PRDM2: variants seen among roughly 807,000 people sequenced by gnomAD.
The protein encoded by PRDM2 is PR/SET domain 2, also known as PR domain zinc finger protein 2.
Under a neutral mutation model 130.0 loss-of-function variants are expected in PRDM2, and 30 were observed. The observed-to-expected ratio is 0.23, with a 90% confidence interval of 0.17 to 0.31. PRDM2 has a LOEUF of 0.31. PRDM2 is among the 10% of genes least tolerant of loss of function. The probability of loss-of-function intolerance (pLI) is 1.00; values close to 1 mark genes in which losing one functional copy is unlikely to be tolerated. For synonymous variants in PRDM2, 871 were observed against 782.4 expected, an observed-to-expected ratio of 1.11 and a Z score of -1.89; for missense variants, 2,011 against 2,108.4, an observed-to-expected ratio of 0.95 and a Z score of 0.90.
intron 8 of PRDM2, chr1:13,786,657 C>T: frequency 6.5e-7 from 1 of 1,543,812 alleles, no homozygotes; most frequent in Non-Finnish European, 8.7e-7. Flanking sequence ...ACTCAAAAAT[C>T]CTAACATTCA....
intron 8 of PRDM2, among the ~76,000 whole-genome samples, chr1:13,794,886 G>A (rs1042730363): frequency 4.6e-5 from 7 of 152,204 alleles, no homozygotes; most frequent in African/African-American, 1.4e-4. Flanking sequence ...GTAACTCCTG[G>A]TTTGGCTACC....
chr1:13,814,149 T>A (rs1005116435), intron 8 of PRDM2, among the ~76,000 whole-genome samples: 2 of 152,198 alleles, frequency 1.3e-5, no homozygotes, highest in Admixed American at 6.5e-5. Flanking sequence ...GCCTCCCAGC[T>A]GGCTGTCTCC....
chr1:13,741,984 T>A (rs1557612188), intron 4 of PRDM2, 21 bp from the exon 5 acceptor site: 2 of 1,509,928 alleles, frequency 1.3e-6, no homozygotes, highest in Non-Finnish European at 1.8e-6. Flanking sequence ...CAAAAGTTTT[T>A]TACTTTTCTC....
At chr1:13,750,673 C>T (rs1486461015) in intron 6 of PRDM2, among the ~76,000 whole-genome samples, 2 of 152,064 alleles carry the variant, frequency 1.3e-5, no homozygotes, top group African/African-American at 2.4e-5. Flanking sequence ...AGGCCTATTA[C>T]TGAATATGCA....
intron 8 of PRDM2, among the ~76,000 whole-genome samples, chr1:13,789,957 G>T (rs1644812127): frequency 6.6e-6 from 1 of 152,218 alleles, no homozygotes; most frequent in Non-Finnish European, 1.5e-5. Flanking sequence ...TGAAGGTTCT[G>T]GTGAAGCACT....
chr1:13,735,765 CTGTTA>C (rs1447646465), intron 4 of PRDM2, among the ~76,000 whole-genome samples: 1 of 152,158 alleles, frequency 6.6e-6, no homozygotes, highest in Non-Finnish European at 1.5e-5. Flanking sequence ...GTCACTGTTT[CTGTTA>C]TATGTTCTAA....
rs1225572972 is a variant in PRDM2 at position 13,779,157 on chromosome 1, C to G, written c.1362C>G (p.Asp454Glu). ...CGAGTCCTCCCAGTCTTGGGCCAGACTGTCTGATCATGAATTCAGAGAAGG... is the reference window on the plus strand; with the variant it reads ...CGAGTCCTCCCAGTCTTGGGCCAGAGTGTCTGATCATGAATTCAGAGAAGG... Reference protein sequence around the residue: ...DDSSPPSLGPDCLIMNSEKAS... With the variant: ...DDSSPPSLGPECLIMNSEKAS... Residue 454 changes from aspartate (D) to glutamate (E), a missense_variant, in exon 8 of 10, where the codon GAC (aspartate) becomes GAG (glutamate). Physicochemically the swap from Asp to Glu is conservative, Grantham distance 45 (BLOSUM62 2). Coordinates refer to ENST00000311066, the MANE Select transcript of PRDM2 (RefSeq NM_001393986.1). This position sits in a 1 kb window ranked among gnomAD's most constrained non-coding sequence, Gnocchi z 4.9. 6.8e-6 allele frequency: 11 copies of G among 1,614,092 alleles called. No homozygotes were observed. In the African/African-American group the frequency reaches 1.3e-4, roughly 20 times the overall value.
intron 8 of PRDM2, among the ~76,000 whole-genome samples, chr1:13,809,867 A>G (rs773036096): frequency 3.9e-5 from 6 of 152,100 alleles, no homozygotes; most frequent in Non-Finnish European, 8.8e-5. Context: ...TTTTTTTCAC[A>G]GTTCTGGAGA....
intron 1 of PRDM2, among the ~76,000 whole-genome samples, chr1:13,713,986 A>C (rs71629841): frequency 0.02 from 2,984 of 151,976 alleles, 56 homozygotes; most frequent in Non-Finnish European, 0.03. Flanking sequence ...CTCCTGCCTC[A>C]GCCTCCCGAG....
At position 13,778,865 on chromosome 1, in the gene PRDM2, C is replaced by T. The variant is rs531049100; in HGVS notation, c.1070C>T (p.Thr357Met). Residue 357 changes from threonine to methionine, a missense_variant, in exon 8 of 10, where the codon ACG becomes ATG. Coordinates refer to ENST00000311066, the MANE Select transcript of PRDM2 (RefSeq NM_001393986.1). ...KEEANGDVFE[T>M]FMFPCQHCER... ...GAGGCCAATGGTGATGTATTTGAAA[C>T]GTTTATGTTTCCGTGTCAACATTGT... The T allele has an allele frequency of 1.5e-5, 25 of 1,614,178 alleles. No individual in the cohort carries two copies. Among genetic ancestry groups the T allele is most frequent in the South Asian group, 7.7e-5 (7 of 91,078 alleles).
chr1:13,761,521 A>G (rs1438498503), intron 6 of PRDM2, among the ~76,000 whole-genome samples: 1 of 152,170 alleles, frequency 6.6e-6, no homozygotes, highest in Non-Finnish European at 1.5e-5. Flanking sequence ...GCAGTCGCAC[A>G]GGTACATTCC....
intron 8 of PRDM2, among the ~76,000 whole-genome samples, chr1:13,785,808 T>C (rs1644721940): frequency 6.6e-6 from 1 of 151,242 alleles, no homozygotes; most frequent in Non-Finnish European, 1.5e-5. Context: ...CTTTCACCTT[T>C]GTAAACCCCA....
chr1:13,713,657 G>C (rs1044800156), intron 1 of PRDM2, among the ~76,000 whole-genome samples: 3 of 152,244 alleles, frequency 2.0e-5, no homozygotes, highest in Non-Finnish European at 2.9e-5. Flanking sequence ...GTTCCTCAAA[G>C]AGAACTCCCC....
intron 2 of PRDM2, among the ~76,000 whole-genome samples, chr1:13,723,391 C>T (rs1183277722): frequency 1.3e-5 from 2 of 152,146 alleles, no homozygotes; most frequent in Non-Finnish European, 2.9e-5. Context: ...TAGCGCTGCT[C>T]CAGCACATGG....
intron 1 of PRDM2, among the ~76,000 whole-genome samples, chr1:13,707,251 C>G (rs1023040375): frequency 1.3e-5 from 2 of 152,176 alleles, no homozygotes; most frequent in Non-Finnish European, 2.9e-5. Context: ...GTGCCAGGAC[C>G]ACTACCCTGC....
intron 6 of PRDM2, among the ~76,000 whole-genome samples, chr1:13,762,931 T>C (rs1644136388): frequency 6.6e-6 from 1 of 152,136 alleles, no homozygotes; most frequent in Non-Finnish European, 1.5e-5. Flanking sequence ...GTGGGATCTG[T>C]TTGATCAGCA....
intron 6 of PRDM2, among the ~76,000 whole-genome samples, chr1:13,763,467 G>T (rs2100593729): frequency 6.6e-6 from 1 of 152,240 alleles, no homozygotes. Flanking sequence ...TGTCCATTGT[G>T]GGTTTGATGT....
At chr1:13,712,432 A>C (rs1642400130) in intron 1 of PRDM2, among the ~76,000 whole-genome samples, 1 of 152,248 alleles carries the variant, frequency 6.6e-6, no homozygotes, top group Non-Finnish European at 1.5e-5. Context: ...AGAAGGCAGC[A>C]TCTCAGAAAA....
chr1:13,716,303 G>T (rs1013749405), intron 2 of PRDM2, among the ~76,000 whole-genome samples: 15 of 146,838 alleles, frequency 1.0e-4, no homozygotes, highest in African/African-American at 3.8e-4. Flanking sequence ...ACTGTTGTGG[G>T]GTGGAGGGAG....
Sources: gnomAD v4.1 joint callset for allele counts (sites outside exome capture counted in the v4.1 genomes callset) on GRCh38, gnomAD v4.1.1 for gene constraint, Gnocchi (gnomAD v3.1) non-coding constraint, MANE v1.5 for transcripts, NCBI Gene and HGNC (gene_info 2026-07-23, HGNC 2026-07-21) for gene names.